DSG2: variants seen among roughly 807,000 people sequenced by gnomAD.
The protein encoded by DSG2 is desmoglein 2, also known as desmoglein-2.
A neutral mutation model predicts 75.6 loss-of-function variants in DSG2; 45 were observed. The observed-to-expected ratio is 0.60, with a 90% CI of 0.47 to 0.76. DSG2 has a LOEUF of 0.76. Among genes scored for constraint, DSG2 ranks in the 30% least tolerant of loss-of-function variants. DSG2 has a pLI of 0.00. For synonymous variants in DSG2, 429 were observed against 483.9 expected, an observed-to-expected ratio of 0.89 and a Z score of 1.49; for missense variants, 1,267 against 1,357.4, an observed-to-expected ratio of 0.93 and a Z score of 1.05.
Position 31,524,775 on chromosome 18 carries a change from A to T in DSG2, c.901A>T (p.Ile301Leu), listed in dbSNP as rs1304541398. ...CATAAAAGTGTTCGATGCAGATGAA[A>T]TAGGTTCTGATAATTGGCTGGCAAA... The part of the protein sequence containing the change: ...TRIKVFDADE[I>L]GSDNWLANFT... Residue 301 changes from isoleucine to leucine, a missense_variant, in exon 8 of 15, where the codon ATA becomes TTA. Transcript: ENST00000261590. The T allele has an allele frequency of 6.2e-7, 1 of 1,614,200 alleles. No individual in the cohort carries two copies. The highest frequency in any genetic ancestry group is 2.2e-5 in the East Asian group (1 of 44,878).
chr18:31,508,068 T>C (rs1299202239), intron 1 of DSG2, among the ~76,000 whole-genome samples: 3 of 152,210 alleles, frequency 2.0e-5, no homozygotes, highest in Admixed American at 6.5e-5. Flanking sequence ...AGGTCTTACA[T>C]TTAAGTCTTT....
At chr18:31,505,241 A>C (rs895450077) in intron 1 of DSG2, among the ~76,000 whole-genome samples, 4 of 152,200 alleles carry the variant, frequency 2.6e-5, no homozygotes, top group African/African-American at 4.8e-5. Context: ...TGGCACATGG[A>C]GTCCCTCATC....
chr18:31,548,006 C>T lies in DSG2; in HGVS notation c.*1263C>T, dbSNP rs192887371. On this transcript the variant is annotated 3_prime_UTR_variant, in exon 15 of 15. Coordinates refer to ENST00000261590, the MANE Select transcript of DSG2 (RefSeq NM_001943.5). The stretch of plus-strand genomic sequence containing the variant: ...ATTACACTGAATTGTAAAAACCATT[C>T]GTTTTTGTTTACAATTGCCAAAAAT... 27 of 152,188 alleles carry T rather than the reference C, an allele frequency of 1.8e-4. No individual in the cohort carries two copies. The East Asian group carries it at 3.5e-3, about 20-fold the overall frequency. The allele number at this position is 152,188 out of a possible 1,614,324, so 9.4% of individuals were successfully genotyped here.
chr18:31,538,794 A>T lies in DSG2; in HGVS notation c.1695A>T (p.Arg565Ser). The T allele has an allele frequency of 6.2e-7, 1 of 1,614,174 alleles. No individual in the cohort carries two copies. The highest frequency in any genetic ancestry group is 8.5e-7 in the Non-Finnish European group (1 of 1,180,034). The change falls in exon 12 of 15, where the codon AGA becomes AGT. Residue 565 changes from arginine (R) to serine (S), a missense_variant. Physicochemically the swap from Arg to Ser is moderately radical, Grantham distance 110. Transcript: ENST00000261590. Reference protein sequence around the residue: ...LLQQSEKKLGRSEIQFLISDN... With the variant: ...LLQQSEKKLGSSEIQFLISDN... ...AACAAAGTGAGAAAAAGCTTGGGAG[A>T]AGTGAAATTCAGTTCCTGATTTCAG...
chr18:31,507,754 C>G (rs2073046409), intron 1 of DSG2, among the ~76,000 whole-genome samples: 1 of 152,144 alleles, frequency 6.6e-6, no homozygotes, highest in Non-Finnish European at 1.5e-5. Context: ...ATATCCTTCA[C>G]CCACCTTTTG....
chr18:31,534,276 C>T (rs1004792053), intron 9 of DSG2, among the ~76,000 whole-genome samples: 2 of 152,100 alleles, frequency 1.3e-5, no homozygotes, highest in Non-Finnish European at 2.9e-5. Flanking sequence ...GTGTGAGCCA[C>T]CATGCTTGGC....
At chr18:31,523,101 A>G (rs111447161) in intron 6 of DSG2, among the ~76,000 whole-genome samples, 1,857 of 152,280 alleles carry the variant, frequency 0.012, 37 homozygotes, top group African/African-American at 0.043. Context: ...TACGTTCAGT[A>G]TTTCTTAGAG....
chr18:31,542,537 G>A lies in DSG2; in HGVS notation c.2019G>A (p.Leu673=). The A allele has an allele frequency of 1.9e-6, 3 of 1,613,956 alleles. No individual in the cohort carries two copies. Among genetic ancestry groups the A allele is most frequent in the Non-Finnish European group, 2.5e-6 (3 of 1,180,022 alleles). ...TCTCACAGGTGGTGCCATCATTTCT[G>A]CCAGTGGATCAAGGGGGCAGTCTAG... ...PPEDKVVPSF[L]PVDQGGSLVG... Residue 673 remains leucine (L), a synonymous_variant, in exon 14 of 15, where the codon CTG becomes CTA. Coordinates refer to ENST00000261590, the MANE Select transcript of DSG2 (RefSeq NM_001943.5).
In DSG2 at chr18:31,530,363, A is replaced by T. The variant is rs74258518; in HGVS notation, c.1015-624A>T. 6.7e-3 allele frequency among the ~76,000 whole-genome samples: 1,016 copies of T among 152,284 alleles called. 68 individuals are homozygous for T. The East Asian group carries it at 0.16, about 25-fold the overall frequency. ...TACTGAATGCCCACTAATTTTTTACATTAGAAAAAAAATCACTTCAGATTG... is the reference window on the plus strand; with the variant it reads ...TACTGAATGCCCACTAATTTTTTACTTTAGAAAAAAAATCACTTCAGATTG... On this transcript the variant is annotated intron_variant, in intron 8 of 14. Transcript: ENST00000261590.
rs375036262 is a variant in DSG2 at position 31,524,596 on chromosome 18, T to C, written c.828+11T>C. 1.7e-5 allele frequency: 28 copies of C among 1,612,360 alleles called. No individual in the cohort carries two copies. Among genetic ancestry groups the C allele is most frequent in the African/African-American group, 5.3e-5 (4 of 74,906 alleles). On this transcript the variant is annotated intron_variant, in intron 7 of 14. Transcript: ENST00000261590. The stretch of plus-strand genomic sequence containing the variant: ...GTAGAAAATAAAGTGGTAACTATTA[T>C]TCTTCTAATAACTGTACCTATTTAT...
At chr18:31,509,411 T>A (rs1015679114) in intron 1 of DSG2, among the ~76,000 whole-genome samples, 12 of 133,766 alleles carry the variant, frequency 9.0e-5, no homozygotes, top group African/African-American at 3.4e-4. Flanking sequence ...AGTTCAAAAA[T>A]TAAAAGTTCA....
intron 1 of DSG2, among the ~76,000 whole-genome samples, chr18:31,505,765 G>A (rs1287147512): frequency 1.3e-5 from 2 of 150,706 alleles, no homozygotes; most frequent in African/African-American, 2.4e-5. Context: ...AGGTTCCAGC[G>A]ATTCTCCTGC....
In DSG2 at chr18:31,542,771, AG is replaced by A. The variant is rs1567933176; in HGVS notation, c.2257del (p.Ala753LeufsTer15). On this transcript the variant is annotated frameshift_variant, in exon 14 of 15. Transcript: ENST00000261590. LOFTEE classifies it high-confidence loss of function. ...TETTKTARATGASRDMAGAQA... is the reference protein window; with the variant it reads ...TETTKTARATXASRDMAGAQA... ...AAACCACGAAGACCGCAAGGGCCAC[AG>A]GGGCTTCCAGAGACATGGCCGGAGC... 1.2e-6 allele frequency: 2 copies of A among 1,604,514 alleles called. No individual in the cohort carries two copies. The highest frequency in any genetic ancestry group is 1.7e-6 in the Non-Finnish European group (2 of 1,174,952).
rs1265845639 is a variant in DSG2 at position 31,548,170 on chromosome 18, C to A, written c.*1427C>A. Reference sequence around the variant, plus strand: ...CTCAAATAATTGACTTGATTTTACACAACATCCTTCCCTTTTCTACAAGTT... The same window carrying A: ...CTCAAATAATTGACTTGATTTTACAAAACATCCTTCCCTTTTCTACAAGTT... On this transcript the variant is annotated 3_prime_UTR_variant, in exon 15 of 15. Coordinates refer to ENST00000261590, the MANE Select transcript of DSG2 (RefSeq NM_001943.5). 1.3e-5 allele frequency: 2 copies of A among 152,158 alleles called. No homozygotes were observed. Among genetic ancestry groups the A allele is most frequent in the Non-Finnish European group, 2.9e-5 (2 of 68,036 alleles). The allele number at this position is 152,158 out of a possible 1,614,324, so 9.4% of individuals were successfully genotyped here. A position where few individuals can be genotyped will look rare whatever the true frequency, so the allele number is the denominator to read the frequency against.
At chr18:31,498,437 A>C in intron 1 of DSG2, 141 bp downstream of exon 1, 1 of 940,172 alleles carries the variant, frequency 1.1e-6, no homozygotes, top group South Asian at 5.4e-5. Context: ...GAGGGGGGAA[A>C]AGGGCCGGGC....
At chr18:31,521,013 A>G (rs2073124462) in intron 4 of DSG2, 49 bp downstream of exon 4, 1 of 1,608,540 alleles carries the variant, frequency 6.2e-7, no homozygotes, top group Non-Finnish European at 8.5e-7. Context: ...TTCTGTCATA[A>G]TAAGTGTCAT....
intron 1 of DSG2, among the ~76,000 whole-genome samples, chr18:31,500,536 C>A (rs891236097): frequency 6.6e-6 from 1 of 152,130 alleles, no homozygotes; most frequent in Admixed American, 6.6e-5. Flanking sequence ...CAGCTCCATA[C>A]GTCCATATCT....
At chr18:31,510,328 G>T (rs143233317) in intron 1 of DSG2, among the ~76,000 whole-genome samples, 1 of 152,256 alleles carries the variant, frequency 6.6e-6, no homozygotes, top group East Asian at 1.9e-4. Context: ...GTATCTCTTA[G>T]TCTGATCTAT....
intron 1 of DSG2, among the ~76,000 whole-genome samples, chr18:31,509,318 A>C (rs561527359): frequency 5.2e-4 from 79 of 152,366 alleles, no homozygotes; most frequent in Admixed American, 2.2e-3. Flanking sequence ...ACATCCGAAG[A>C]ACAGGTGAAA....
Sources: allele counts gnomAD v4.1 joint callset (sites outside exome capture counted in the v4.1 genomes callset), GRCh38; gene constraint gnomAD v4.1.1; transcripts MANE v1.5; gene names NCBI Gene and HGNC (gene_info 2026-07-23, HGNC 2026-07-21).